Variants in ADGRL3 observed in about 807,000 individuals in gnomAD.
ADGRL3 encodes the protein adhesion G protein-coupled receptor L3.
ADGRL3 carries 62 observed loss-of-function variants against 153.5 expected under a neutral mutation model. The observed-to-expected ratio is 0.40, with a 90% CI of 0.33 to 0.50. ADGRL3 has a LOEUF of 0.50. Among genes scored for constraint, ADGRL3 ranks in the 20% least tolerant of loss-of-function variants. The pLI is 0.47. For missense variants in ADGRL3, 1,641 were observed against 1,859.4 expected (o/e 0.88, Z 2.16); for synonymous variants, 710 against 672.5 (o/e 1.06, Z -0.86).
At chr4:61,362,257 C>A (rs753384010) in intron 1 of ADGRL3, among the ~76,000 whole-genome samples, 25 of 151,152 alleles carry the variant, frequency 1.7e-4, no homozygotes, top group Non-Finnish European at 2.9e-4. Context: ...CCTTCCTCGG[C>A]CTCCCAAAGT....
rs566585561 is a variant in ADGRL3 at position 61,256,592 on chromosome 4, AT to A, written c.-240+54831del. Among the ~76,000 whole-genome samples the A allele has an allele frequency of 1.7e-3, 259 of 152,156 alleles. 1 individual carries two copies. The highest frequency in any genetic ancestry group is 6.1e-3 in the African/African-American group (252 of 41,528). Reference sequence around the variant, plus strand: ...ATTAGCATCTGTTGTTTGTTTGTTTATTTTGTGTGAAGAAGTATTGTGAGTG... The same window carrying A: ...ATTAGCATCTGTTGTTTGTTTGTTTATTTGTGTGAAGAAGTATTGTGAGTG... On this transcript the variant is annotated intron_variant, in intron 1 of 26. Coordinates refer to ENST00000683033, the MANE Select transcript of ADGRL3 (RefSeq NM_001387552.1).
intron 9 of ADGRL3, among the ~76,000 whole-genome samples, chr4:61,856,587 TC>T: frequency 2.6e-5 from 1 of 38,714 alleles, no homozygotes. Flanking sequence ...CTCTCTTTTT[TC>T]TCTCTCTCTC....
chr4:62,014,278 T>G (rs2099201198), intron 21 of ADGRL3, among the ~76,000 whole-genome samples: 1 of 152,084 alleles, frequency 6.6e-6, no homozygotes, highest in Admixed American at 6.6e-5. Context: ...TCAGGGAAAG[T>G]GCTGCCAGTG....
chr4:61,222,209 T>C (rs981059293), intron 1 of ADGRL3, among the ~76,000 whole-genome samples: 1 of 152,132 alleles, frequency 6.6e-6, no homozygotes, highest in African/African-American at 2.4e-5. Context: ...CTGGTCAAGA[T>C]TTTTTTGGGT....
At chr4:62,064,582 CT>C (rs1323840150) in intron 25 of ADGRL3, among the ~76,000 whole-genome samples, 1 of 151,722 alleles carries the variant, frequency 6.6e-6, no homozygotes, top group African/African-American at 2.4e-5. Flanking sequence ...TTCCATGATT[CT>C]TTCAAGTTGA....
chr4:61,699,603 G>A (rs1282905399), intron 6 of ADGRL3, among the ~76,000 whole-genome samples: 1 of 152,020 alleles, frequency 6.6e-6, no homozygotes, highest in African/African-American at 2.4e-5. Flanking sequence ...GGTAGAATGT[G>A]AAATTGGGGA....
At chr4:61,635,352 A>T (rs1438573513) in intron 5 of ADGRL3, among the ~76,000 whole-genome samples, 2 of 152,108 alleles carry the variant, frequency 1.3e-5, no homozygotes, top group African/African-American at 4.8e-5. Flanking sequence ...GGGAGAGAAG[A>T]GTTAAGAGAG....
chr4:61,863,634 A>C (rs547707218), intron 9 of ADGRL3, among the ~76,000 whole-genome samples: 1 of 152,210 alleles, frequency 6.6e-6, no homozygotes, highest in Non-Finnish European at 1.5e-5. Context: ...ATATATGTAC[A>C]TATGAAATAG....
Position 61,202,042 on chromosome 4 carries a change from C to G in ADGRL3, c.-240+277C>G, listed in dbSNP as rs952169284. ...CGAGGGGAGTGAGGGGGATAAGAGA[C>G]TGGGCGCATTCGCAGCTGCACACGC... On this transcript the variant is annotated intron_variant, in intron 1 of 26. Transcript: ENST00000683033. The surrounding 1 kb of genome is among the most constrained non-coding windows in gnomAD (Gnocchi z 5.0). The G allele has an allele frequency of 4.6e-5, 7 of 152,562 alleles. No homozygotes were observed. Among genetic ancestry groups the G allele is most frequent in the Non-Finnish European group, 1.0e-4 (7 of 68,378 alleles). 9.5% of individuals were successfully genotyped at this position (152,562 alleles called of 1,614,324 possible).
intron 6 of ADGRL3, among the ~76,000 whole-genome samples, chr4:61,717,001 G>A (rs2096128747): frequency 6.6e-6 from 1 of 152,090 alleles, no homozygotes; most frequent in Non-Finnish European, 1.5e-5. Flanking sequence ...ATGGTGTGAT[G>A]AATTCATGCA....
At chr4:61,599,624 C>T (rs562941208) in intron 5 of ADGRL3, among the ~76,000 whole-genome samples, 5 of 152,254 alleles carry the variant, frequency 3.3e-5, no homozygotes, top group African/African-American at 7.2e-5. Context: ...TGAGCCATTG[C>T]GCCTGGCCTA....
intron 8 of ADGRL3, among the ~76,000 whole-genome samples, chr4:61,803,402 A>G (rs1422257414): frequency 2.6e-5 from 4 of 152,112 alleles, no homozygotes; most frequent in Admixed American, 6.6e-5. Context: ...AACAGGTCTG[A>G]TTTAATACAT....
chr4:61,598,061 A>C (rs2098996522), intron 5 of ADGRL3, among the ~76,000 whole-genome samples: 1 of 152,124 alleles, frequency 6.6e-6, no homozygotes. Context: ...TTGCCTGAGG[A>C]GATACAATCC....
intron 21 of ADGRL3, among the ~76,000 whole-genome samples, chr4:62,020,733 T>A (rs1242713416): frequency 6.6e-6 from 1 of 152,144 alleles, no homozygotes; most frequent in Non-Finnish European, 1.5e-5. Context: ...CCACATGTGA[T>A]GTTATGTCTT....
chr4:61,881,670 G>A (rs2098509670), intron 9 of ADGRL3, among the ~76,000 whole-genome samples: 2 of 152,152 alleles, frequency 1.3e-5, no homozygotes, highest in East Asian at 1.9e-4. Context: ...GAGCCACCAC[G>A]CCTGGCTAAT....
chr4:61,227,786 C>T (rs562978306), intron 1 of ADGRL3, among the ~76,000 whole-genome samples: 5 of 152,256 alleles, frequency 3.3e-5, no homozygotes, highest in Admixed American at 6.5e-5. Flanking sequence ...CTGCAATCTG[C>T]TGATATTCTA....
intron 24 of ADGRL3, among the ~76,000 whole-genome samples, chr4:62,041,905 G>A (rs1728529804): frequency 6.6e-6 from 1 of 151,946 alleles, no homozygotes; most frequent in Non-Finnish European, 1.5e-5. Context: ...GCACTCAGGA[G>A]CCAGATGACT....
intron 1 of ADGRL3, among the ~76,000 whole-genome samples, chr4:61,279,752 C>G (rs574048885): frequency 1.3e-5 from 2 of 152,132 alleles, no homozygotes; most frequent in Non-Finnish European, 2.9e-5. Flanking sequence ...ATTCTGTACC[C>G]CTCATCCACC....
intron 8 of ADGRL3, among the ~76,000 whole-genome samples, chr4:61,781,331 C>CAAAAAAAAAAAAAAAAAAAAAAAAAA (rs71281828): frequency 1.6e-5 from 1 of 64,440 alleles, no homozygotes; most frequent in African/African-American, 6.6e-5. Flanking sequence ...ATTCTGCCTC[C>CAAAAAAAAAAAAAAAAAAAAAAAAAA]AAAAAAAAAA....
Sources: gnomAD v4.1 joint callset for allele counts (sites outside exome capture counted in the v4.1 genomes callset) on GRCh38, gnomAD v4.1.1 for gene constraint, Gnocchi (gnomAD v3.1) non-coding constraint, MANE v1.5 for transcripts, NCBI Gene and HGNC (gene_info 2026-07-23, HGNC 2026-07-21) for gene names.